Variants in ITGA2 observed in about 807,000 individuals in gnomAD.
ITGA2 encodes the protein integrin subunit alpha 2.
Under a neutral mutation model 146.3 loss-of-function variants are expected in ITGA2, and 101 were observed. The observed-to-expected ratio is 0.69, with a 90% CI of 0.59 to 0.81. The LOEUF (loss-of-function observed/expected upper bound fraction) is 0.81, where lower values mean the gene tolerates loss of function less well. Among genes scored for constraint, ITGA2 ranks in the 40% least tolerant of loss-of-function variants. The pLI is 0.00. For missense variants in ITGA2, 1,281 were observed against 1,402.7 expected (o/e 0.91, Z 1.39); for synonymous variants, 477 against 487.1 (o/e 0.98, Z 0.27).
chr5:52,989,676 G>A (rs867655930), intron 1 of ITGA2, 144 bp downstream of exon 1: 1 of 841,568 alleles, frequency 1.2e-6, no homozygotes. Flanking sequence ...CAGCCACCAG[G>A]ACCTGCTTGG....
At chr5:53,065,238 C>A in intron 14 of ITGA2, 123 bp downstream of exon 14, 2 of 993,262 alleles carry the variant, frequency 2.0e-6, no homozygotes, top group Non-Finnish European at 1.6e-6. Flanking sequence ...TTTCACTCAG[C>A]AAATATAAAG....
In ITGA2 at chr5:53,070,165, A is replaced by AG; in HGVS notation, c.2145dup (p.Leu716ValfsTer3). ...TGGATTTTCATCCAGAGTAACCTCCAGGGGGTTATTTAAAGAAAACAATGA... is the reference window on the plus strand; with the variant it reads ...TGGATTTTCATCCAGAGTAACCTCCAGGGGGGTTATTTAAAGAAAACAATGA... On this transcript the variant is annotated frameshift_variant, in exon 17 of 30. Transcript: ENST00000296585. LOFTEE classifies it high-confidence loss of function. 2 of 1,611,626 alleles carry AG rather than the reference A, an allele frequency of 1.2e-6. No individual in the cohort carries two copies. The highest frequency in any genetic ancestry group is 1.7e-6 in the Non-Finnish European group (2 of 1,178,368).
At chr5:53,056,245 C>A in intron 9 of ITGA2, 96 bp downstream of exon 9, 3 of 1,083,806 alleles carry the variant, frequency 2.8e-6, no homozygotes, top group Non-Finnish European at 1.4e-6. Flanking sequence ...ACTTGTATAC[C>A]ATGTATAAAA....
chr5:53,001,679 A>T (rs914385173), intron 1 of ITGA2, among the ~76,000 whole-genome samples: 1 of 152,148 alleles, frequency 6.6e-6, no homozygotes, highest in Non-Finnish European at 1.5e-5. Flanking sequence ...TACAAAAGAA[A>T]AATTTAAAAA....
At chr5:52,994,910 T>G (rs1260056291) in intron 1 of ITGA2, among the ~76,000 whole-genome samples, 1 of 152,170 alleles carries the variant, frequency 6.6e-6, no homozygotes, top group Non-Finnish European at 1.5e-5. Flanking sequence ...TCCTGAGATG[T>G]CTTCATGGAA....
chr5:53,060,956 T>A lies in ITGA2; in HGVS notation c.1368T>A (p.Ala456=). ...TGESTHFVAG[A]PRANYTGQIV... is the part of the protein sequence containing the mutation. ...AAAGCACTCACTTTGTTGCTGGTGC[T>A]CCTCGGGCAAATTATACCGGCCAGA... Residue 456 remains alanine (A), a synonymous_variant, in exon 12 of 30, where the codon GCT becomes GCA. Transcript: ENST00000296585. 1.9e-6 allele frequency: 3 copies of A among 1,612,552 alleles called. No homozygotes were observed. The highest frequency in any genetic ancestry group is 2.5e-6 in the Non-Finnish European group (3 of 1,179,004).
chr5:53,026,697 A>C, intron 1 of ITGA2, 51 bp from the exon 2 acceptor site: 1 of 1,513,092 alleles, frequency 6.6e-7, no homozygotes, highest in East Asian at 2.3e-5. Context: ...TATACGACAC[A>C]CTTATATTCA....
chr5:53,079,139 A>G (rs1745795867), intron 24 of ITGA2, among the ~76,000 whole-genome samples: 2 of 152,154 alleles, frequency 1.3e-5, no homozygotes, highest in African/African-American at 2.4e-5. Context: ...CTGCTGGTCC[A>G]GGTGCCATAC....
At chr5:53,039,609 G>A (rs377270007) in intron 2 of ITGA2, among the ~76,000 whole-genome samples, 32 of 151,368 alleles carry the variant, frequency 2.1e-4, no homozygotes, top group East Asian at 7.8e-4. Context: ...GTGTGGTGGC[G>A]CGGGCCTGTA....
chr5:53,076,471 C>T (rs1209653322), intron 23 of ITGA2, among the ~76,000 whole-genome samples: 2 of 151,972 alleles, frequency 1.3e-5, no homozygotes, highest in Admixed American at 6.6e-5. Context: ...AACAAAATTC[C>T]GTCCAAATAA....
rs143262642 is a variant in ITGA2, at chr5:53,042,153, G to A, written c.227G>A (p.Arg76Gln). The A allele has an allele frequency of 3.0e-3, 4,790 of 1,613,362 alleles. 15 individuals are homozygous for A. The highest frequency in any genetic ancestry group is 3.5e-3 in the Non-Finnish European group (4,093 of 1,179,354). Reference sequence around the variant, plus strand: ...CCCTGGAGTGGCTTTCCTGAGAACCGAATGGGAGATGTGTATAAATGTCCT... The same window carrying A: ...CCCTGGAGTGGCTTTCCTGAGAACCAAATGGGAGATGTGTATAAATGTCCT... ...GSPWSGFPEN[R>Q]MGDVYKCPVD... Residue 76 changes from arginine (R) to glutamine (Q), a missense_variant, in exon 3 of 30, where the codon CGA becomes CAA. Transcript: ENST00000296585.
intron 23 of ITGA2, among the ~76,000 whole-genome samples, chr5:53,078,342 T>C (rs559256134): frequency 2.5e-4 from 38 of 152,230 alleles, no homozygotes; most frequent in Non-Finnish European, 5.1e-4. Context: ...TACCCTATTA[T>C]TATATTTTAG....
chr5:53,065,044 G>T lies in ITGA2; in HGVS notation c.1735G>T (p.Glu579Ter). Residue 579 changes from glutamate (E) to a stop codon, truncating the protein, a stop_gained, in exon 14 of 30, where the codon GAA (glutamate) becomes TAA (stop). Transcript: ENST00000296585. LOFTEE classifies it high-confidence loss of function. ...FNDVIVGSPL[E>*]NQNSGAVYIY... ...TGATGTGATTGTTGGTTCACCACTA[G>T]AAAATCAGAATTCTGGAGCTGTATA... is the stretch of plus-strand genomic sequence containing the variant. 6.2e-7 allele frequency: 1 copy of T among 1,612,780 alleles called. No individual in the cohort carries two copies. The highest frequency in any genetic ancestry group is 8.5e-7 in the Non-Finnish European group (1 of 1,179,190).
intron 1 of ITGA2, among the ~76,000 whole-genome samples, chr5:52,989,764 A>G (rs1049202638): frequency 6.6e-6 from 1 of 151,912 alleles, no homozygotes; most frequent in African/African-American, 2.4e-5. Flanking sequence ...CTGTCTGTTA[A>G]GCACCCTCCA....
chr5:53,006,482 C>T (rs935487791), intron 1 of ITGA2, among the ~76,000 whole-genome samples: 3 of 152,166 alleles, frequency 2.0e-5, no homozygotes, highest in Admixed American at 6.5e-5. Flanking sequence ...TATACCTGCA[C>T]AGTAGCCTGC....
intron 1 of ITGA2, among the ~76,000 whole-genome samples, chr5:53,020,900 G>A (rs1377166812): frequency 1.5e-5 from 2 of 131,032 alleles, no homozygotes; most frequent in Non-Finnish European, 3.2e-5. Flanking sequence ...TCACTATGTT[G>A]GCCAGGCTGG....
In ITGA2 at chr5:53,087,007, C is replaced by T. The variant is rs2303121; in HGVS notation, c.3314C>T (p.Pro1105Leu). Reference protein sequence around the residue: ...TAAAEINTYNPEIYVIEDNTV... With the variant: ...TAAAEINTYNLEIYVIEDNTV... ...GCTGCAGAAATCAACACCTATAACC[C>T]TGAGATATATGTGATTGAAGATAAC... Residue 1105 changes from proline to leucine, a missense_variant, in exon 28 of 30, where the codon CCT becomes CTT. By Grantham distance (98) the Pro-to-Leu change is moderately conservative (BLOSUM62 -3). Coordinates refer to ENST00000296585, the MANE Select transcript of ITGA2 (RefSeq NM_002203.4). 6.2e-7 allele frequency: 1 copy of T among 1,613,664 alleles called. No homozygotes were observed. The highest frequency in any genetic ancestry group is 2.2e-5 in the East Asian group (1 of 44,844).
intron 2 of ITGA2, among the ~76,000 whole-genome samples, chr5:53,032,834 C>T (rs749695020): frequency 1.3e-5 from 2 of 152,064 alleles, no homozygotes; most frequent in African/African-American, 2.4e-5. Context: ...ACTCAGGAGC[C>T]GGAGCACAAG....
chr5:53,008,031 A>T (rs951432128), intron 1 of ITGA2, among the ~76,000 whole-genome samples: 2 of 152,116 alleles, frequency 1.3e-5, no homozygotes, highest in African/African-American at 4.8e-5. Context: ...CAAAACCTGA[A>T]ATAGTAAATT....
Sources: allele counts gnomAD v4.1 joint callset (sites outside exome capture counted in the v4.1 genomes callset), GRCh38; gene constraint gnomAD v4.1.1; transcripts MANE v1.5; gene names NCBI Gene and HGNC (gene_info 2026-07-23, HGNC 2026-07-21).